The following CSMD1 variants were observed in gnomAD, a reference collection of about 807,000 sequenced individuals.
CSMD1 encodes the protein CUB and Sushi multiple domains 1.
Under a neutral mutation model 417.5 loss-of-function variants are expected in CSMD1, and 213 were observed. The ratio of observed to expected loss-of-function variants is 0.51; its 90% CI spans 0.46 to 0.57. The LOEUF is 0.57. Among genes scored for constraint, CSMD1 ranks in the 20% least tolerant of loss-of-function variants. CSMD1 has a pLI of 0.00. For missense variants in CSMD1, 6,923 were observed against 4,529.7 expected, an observed-to-expected ratio of 1.53 and a Z score of -15.17; for synonymous variants, 2,862 against 1,736.8, an observed-to-expected ratio of 1.65 and a Z score of -16.11.
intron 1 of CSMD1, among the ~76,000 whole-genome samples, chr8:4,880,193 G>A (rs918751430): frequency 1.3e-5 from 2 of 151,334 alleles, no homozygotes; most frequent in African/African-American, 2.5e-5. Flanking sequence ...TCAGGAGAGA[G>A]TTAAGGGAAG....
chr8:3,622,966 C>A (rs1043889587), intron 7 of CSMD1, among the ~76,000 whole-genome samples: 1 of 152,116 alleles, frequency 6.6e-6, no homozygotes, highest in African/African-American at 2.4e-5. Context: ...TGAATTATAT[C>A]TTTTCAGATC....
At chr8:3,099,306 T>C (rs971318433) in intron 46 of CSMD1, among the ~76,000 whole-genome samples, 6 of 152,146 alleles carry the variant, frequency 3.9e-5, no homozygotes, top group Non-Finnish European at 8.8e-5. Context: ...CGTCACAAGA[T>C]AATATATGGC....
chr8:3,729,691 C>G (rs1802710835), intron 6 of CSMD1, among the ~76,000 whole-genome samples: 1 of 151,306 alleles, frequency 6.6e-6, no homozygotes. Flanking sequence ...TGAAACTCGC[C>G]TCTTCTTCTG....
chr8:4,918,012 G>C (rs1339816873), intron 1 of CSMD1, among the ~76,000 whole-genome samples: 4 of 152,262 alleles, frequency 2.6e-5, no homozygotes, highest in African/African-American at 9.6e-5. Flanking sequence ...TGAAATGACA[G>C]AAAAATCACT....
chr8:4,089,400 G>A (rs10104754), intron 3 of CSMD1, among the ~76,000 whole-genome samples: 1 of 152,102 alleles, frequency 6.6e-6, no homozygotes, highest in Non-Finnish European at 1.5e-5. Flanking sequence ...AAGAAAATTA[G>A]TAAATGGTAC....
intron 2 of CSMD1, among the ~76,000 whole-genome samples, chr8:4,508,548 G>A (rs1235218600): frequency 3.3e-5 from 5 of 152,036 alleles, no homozygotes; most frequent in Non-Finnish European, 7.4e-5. Flanking sequence ...GAAGTTTACT[G>A]CATATTAAAG....
chr8:3,610,805 A>C (rs1363949383), intron 8 of CSMD1, among the ~76,000 whole-genome samples: 1 of 152,000 alleles, frequency 6.6e-6, no homozygotes, highest in Non-Finnish European at 1.5e-5. Flanking sequence ...GGAAAGGTGG[A>C]ATTTTAGAAG....
intron 55 of CSMD1, among the ~76,000 whole-genome samples, chr8:2,974,828 C>T (rs765234238): frequency 1.3e-5 from 2 of 152,084 alleles, no homozygotes; most frequent in African/African-American, 2.4e-5. Flanking sequence ...GGAAAGGTCC[C>T]GTTTATGAAG....
intron 1 of CSMD1, among the ~76,000 whole-genome samples, chr8:4,836,444 C>T (rs149074320): frequency 1.3e-5 from 2 of 152,286 alleles, no homozygotes; most frequent in East Asian, 1.9e-4. Flanking sequence ...TGTCCAAATT[C>T]TCCTTAAGTG....
At chr8:3,933,977 G>T (rs571175748) in intron 5 of CSMD1, among the ~76,000 whole-genome samples, 22 of 152,212 alleles carry the variant, frequency 1.4e-4, no homozygotes, top group African/African-American at 5.3e-4. Context: ...TCGGGCTAGT[G>T]AAGTGGCAAA....
intron 12 of CSMD1, among the ~76,000 whole-genome samples, chr8:3,448,599 A>C (rs1362671904): frequency 6.6e-6 from 1 of 152,072 alleles, no homozygotes; most frequent in African/African-American, 2.4e-5. Flanking sequence ...GTACTAATAA[A>C]AGGACCACAT....
At chr8:4,382,734 T>C (rs982566393) in intron 3 of CSMD1, among the ~76,000 whole-genome samples, 5 of 152,120 alleles carry the variant, frequency 3.3e-5, no homozygotes, top group African/African-American at 7.2e-5. Context: ...ACGCTTTGCA[T>C]TGTTAGGTCC....
At chr8:4,257,396 T>A (rs1477172684) in intron 3 of CSMD1, among the ~76,000 whole-genome samples, 1 of 151,584 alleles carries the variant, frequency 6.6e-6, no homozygotes, top group Non-Finnish European at 1.5e-5. Context: ...TTTTTCTTCA[T>A]CTCATGTATA....
intron 2 of CSMD1, among the ~76,000 whole-genome samples, chr8:4,534,226 T>A (rs1184173254): frequency 6.6e-6 from 1 of 152,108 alleles, no homozygotes; most frequent in African/African-American, 2.4e-5. Flanking sequence ...CAGAAAGAAA[T>A]ACCTTCTGCG....
At chr8:4,621,951 C>T (rs1801802624) in intron 2 of CSMD1, among the ~76,000 whole-genome samples, 2 of 151,620 alleles carry the variant, frequency 1.3e-5, no homozygotes, top group East Asian at 1.9e-4. Context: ...TAATTGATGC[C>T]AAAATCATAT....
intron 5 of CSMD1, among the ~76,000 whole-genome samples, chr8:3,783,575 TGA>T (rs1172373014): frequency 6.6e-6 from 1 of 152,038 alleles, no homozygotes; most frequent in Non-Finnish European, 1.5e-5. Flanking sequence ...CTGGCACAGG[TGA>T]GAGAGTTGGA....
intron 41 of CSMD1, among the ~76,000 whole-genome samples, chr8:3,129,270 G>C (rs1009778524): frequency 1.3e-5 from 2 of 152,136 alleles, no homozygotes; most frequent in Admixed American, 6.5e-5. Flanking sequence ...ACTGATAATT[G>C]ATTTTTGTAA....
At position 3,389,334 on chromosome 8, in the gene CSMD1, T is replaced by C. The variant is rs1443976105; in HGVS notation, c.2594-1652A>G. On this transcript the variant is annotated intron_variant, in intron 17 of 69. Transcript: ENST00000635120. Reference sequence around the variant, plus strand: ...TCTATGTGTCCATGTGTTTTCATCATTTAGCTCCCACTTATAAGTGAGAAC... The same window carrying C: ...TCTATGTGTCCATGTGTTTTCATCACTTAGCTCCCACTTATAAGTGAGAAC... 1.1e-4 allele frequency among the ~76,000 whole-genome samples: 17 copies of C among 152,248 alleles called. No individual in the cohort carries two copies. In the East Asian group the frequency reaches 3.3e-3, roughly 29 times the overall value.
At chr8:4,087,279 CTCTCCTTCCT>C (rs1173798794) in intron 3 of CSMD1, among the ~76,000 whole-genome samples, 27 of 152,224 alleles carry the variant, frequency 1.8e-4, no homozygotes, top group African/African-American at 5.8e-4. Context: ...CTCTTGCTCA[CTCTCCTTCCT>C]TCTCCTTCCT....
Sources: allele counts gnomAD v4.1 joint callset (sites outside exome capture counted in the v4.1 genomes callset), GRCh38; gene constraint gnomAD v4.1.1; transcripts MANE v1.5; gene names NCBI Gene and HGNC (gene_info 2026-07-23, HGNC 2026-07-21).